Variants in SLCO1B3 observed in about 807,000 individuals in gnomAD.
SLCO1B3 encodes solute carrier organic anion transporter family member 1B3.
Under a neutral mutation model 71.8 loss-of-function variants are expected in SLCO1B3, and 72 were observed. The observed-to-expected ratio is 1.00, with a 90% CI of 0.83 to 1.22. The LOEUF (loss-of-function observed/expected upper bound fraction) is 1.22, where lower values mean the gene tolerates loss of function less well. SLCO1B3 is among the 50% of genes most tolerant of loss of function. SLCO1B3 has a pLI of 0.00. For missense variants in SLCO1B3, 911 were observed against 819.7 expected, an observed-to-expected ratio of 1.11 and a Z score of -1.36; for synonymous variants, 298 against 278.4, an observed-to-expected ratio of 1.07 and a Z score of -0.70.
At position 20,879,545 on chromosome 12, in the gene SLCO1B3, G is replaced by T. The variant is rs577498680; in HGVS notation, c.1245G>T (p.Ser415=). 3.1e-6 allele frequency: 5 copies of T among 1,612,060 alleles called. No homozygotes were observed. In the South Asian group the frequency reaches 4.4e-5, roughly 14 times the overall value. The change falls in exon 11 of 16, where the codon TCG becomes TCT. Residue 415 remains serine, a synonymous_variant. Transcript: ENST00000381545. ...VGIAKFSFLT[S]MISFLFQLLY... ...TTGCCAAATTTTCATTTCTTACTTCGATGATATCCTTCTTGTTTCAACTTC... is the reference window on the plus strand; with the variant it reads ...TTGCCAAATTTTCATTTCTTACTTCTATGATATCCTTCTTGTTTCAACTTC...
At chr12:20,844,424 G>A (rs189092260) in intron 3 of SLCO1B3, among the ~76,000 whole-genome samples, 10 of 151,728 alleles carry the variant, frequency 6.6e-5, no homozygotes, top group African/African-American at 2.4e-4. Flanking sequence ...AAATTAGCCA[G>A]GCATGGTGGC....
intron 10 of SLCO1B3, 103 bp downstream of exon 10, chr12:20,878,039 A>G (rs1005800531): frequency 1.3e-6 from 1 of 754,198 alleles, no homozygotes; most frequent in African/African-American, 1.9e-5. Flanking sequence ...ATTTTACTAA[A>G]TGTAATCTTA....
At chr12:20,914,354 T>G (rs952028612) in intron 15 of SLCO1B3, among the ~76,000 whole-genome samples, 1 of 152,118 alleles carries the variant, frequency 6.6e-6, no homozygotes, top group South Asian at 2.1e-4. Context: ...GTTTATATTT[T>G]AGTAACACTT....
intron 2 of SLCO1B3, among the ~76,000 whole-genome samples, chr12:20,814,583 T>C (rs949108575): frequency 1.3e-5 from 2 of 152,192 alleles, no homozygotes; most frequent in Admixed American, 6.5e-5. Flanking sequence ...GAAAATATTA[T>C]GTATTTAATT....
chr12:20,857,742 ACT>A (rs2121235278), intron 4 of SLCO1B3, among the ~76,000 whole-genome samples: 1 of 152,118 alleles, frequency 6.6e-6, no homozygotes, highest in South Asian at 2.1e-4. Flanking sequence ...CTTTCGTGAA[ACT>A]ATTTTCCATC....
chr12:20,812,763 G>C (rs999777870), intron 1 of SLCO1B3, among the ~76,000 whole-genome samples: 3 of 152,124 alleles, frequency 2.0e-5, no homozygotes, highest in African/African-American at 7.2e-5. Flanking sequence ...AAGAAACAAG[G>C]CTTGAGTGGT....
At chr12:20,859,462 G>T (rs7297884) in intron 5 of SLCO1B3, among the ~76,000 whole-genome samples, 1 of 150,300 alleles carries the variant, frequency 6.7e-6, no homozygotes, top group Non-Finnish European at 1.5e-5. Flanking sequence ...AATCATGCCT[G>T]TTGGTCACCA....
chr12:20,824,749 T>C (rs1864386332), intron 3 of SLCO1B3, among the ~76,000 whole-genome samples: 1 of 152,198 alleles, frequency 6.6e-6, no homozygotes, highest in Non-Finnish European at 1.5e-5. Flanking sequence ...CTGTGTGACT[T>C]TACTATACCA....
At chr12:20,861,518 G>A (rs1009209635) in intron 6 of SLCO1B3, among the ~76,000 whole-genome samples, 1 of 152,034 alleles carries the variant, frequency 6.6e-6, no homozygotes, top group Admixed American at 6.6e-5. Context: ...TATACCAAGG[G>A]CATTTAGAAG....
Position 20,836,379 on chromosome 12 carries a change from G to A in SLCO1B3, c.85-18649G>A, listed in dbSNP as rs147522476. Among the ~76,000 whole-genome samples, 577 of 152,166 alleles carry A rather than the reference G, an allele frequency of 3.8e-3. 4 individuals carry two copies. Among genetic ancestry groups the A allele is most frequent in the African/African-American group, 0.013 (556 of 41,516 alleles). On this transcript the variant is annotated intron_variant, in intron 3 of 15. Transcript: ENST00000381545. ...ATGGTATTTAATTATTTTATGTTTC[G>A]TGTATTATTGAATTTTTTTACTAAT...
At chr12:20,810,795 C>T (rs1404297598) in intron 1 of SLCO1B3, 31 bp downstream of exon 1, 1 of 152,144 alleles carries the variant, frequency 6.6e-6, no homozygotes, top group African/African-American at 2.4e-5. Context: ...CTAATTAAAA[C>T]ATTTCTTTTA....
chr12:20,840,631 T>G (rs1230261332), intron 3 of SLCO1B3, among the ~76,000 whole-genome samples: 1 of 151,968 alleles, frequency 6.6e-6, no homozygotes, highest in African/African-American at 2.4e-5. Context: ...GACCTCACAA[T>G]CCACCAGCTT....
At chr12:20,874,991 A>G (rs1313635601) in intron 8 of SLCO1B3, among the ~76,000 whole-genome samples, 1 of 152,234 alleles carries the variant, frequency 6.6e-6, no homozygotes, top group Non-Finnish European at 1.5e-5. Context: ...CCAAGTGCAC[A>G]CAAGATCAGG....
At position 20,858,430 on chromosome 12, in the gene SLCO1B3, T is replaced by G; in HGVS notation, c.227-9T>G. The G allele has an allele frequency of 6.4e-7, 1 of 1,573,350 alleles. No individual in the cohort carries two copies. On this transcript the variant is annotated splice_polypyrimidine_tract_variant and intron_variant, in intron 4 of 15. Coordinates refer to ENST00000381545, the MANE Select transcript of SLCO1B3 (RefSeq NM_019844.4). ...AAGTCATATCAACATAATTTTGTTT[T>G]TTTTCTAGGAAATTTGCTTGTGATT...
chr12:20,877,857 T>C lies in SLCO1B3; in HGVS notation c.1056T>C (p.Phe352=). 2 of 1,591,016 alleles carry C rather than the reference T, an allele frequency of 1.3e-6. No individual in the cohort carries two copies. Among genetic ancestry groups the C allele is most frequent in the Non-Finnish European group, 1.7e-6 (2 of 1,169,078 alleles). ...TGACATTGTTACAAGTAAGCAGCTT[T>C]ATTGGTTCTTTTACTTACGTCTTTA... ...LLLTLLQVSS[F]IGSFTYVFKY... is the part of the protein sequence containing the mutation. Residue 352 remains phenylalanine, a synonymous_variant, in exon 10 of 16, where the codon TTT becomes TTC. Coordinates refer to ENST00000381545, the MANE Select transcript of SLCO1B3 (RefSeq NM_019844.4).
intron 3 of SLCO1B3, among the ~76,000 whole-genome samples, chr12:20,820,952 T>C (rs975174114): frequency 2.0e-5 from 3 of 152,002 alleles, no homozygotes; most frequent in Non-Finnish European, 4.4e-5. Context: ...GGAACAAAAC[T>C]GTAAGCCGGA....
chr12:20,836,271 A>G (rs1864678396), intron 3 of SLCO1B3, among the ~76,000 whole-genome samples: 1 of 152,212 alleles, frequency 6.6e-6, no homozygotes, highest in Non-Finnish European at 1.5e-5. Flanking sequence ...ATCTTTTCAA[A>G]TTAAGTTTAT....
chr12:20,858,242 C>G (rs982389197), intron 4 of SLCO1B3, among the ~76,000 whole-genome samples, 197 bp from the exon 5 acceptor site: 8 of 151,972 alleles, frequency 5.3e-5, no homozygotes, highest in Non-Finnish European at 1.0e-4. Context: ...GCATATAAAA[C>G]CTATTCTACT....
intron 13 of SLCO1B3, among the ~76,000 whole-genome samples, chr12:20,890,097 G>T (rs1865874607): frequency 6.6e-6 from 1 of 150,734 alleles, no homozygotes; most frequent in South Asian, 2.1e-4. Flanking sequence ...TTTTTTATTT[G>T]TAATAGAGAC....
Sources: gnomAD v4.1 joint callset for allele counts (sites outside exome capture counted in the v4.1 genomes callset) on GRCh38, gnomAD v4.1.1 for gene constraint, MANE v1.5 for transcripts, NCBI Gene and HGNC (gene_info 2026-07-23, HGNC 2026-07-21) for gene names.